The following SPRED1 variants were observed in gnomAD, a reference collection of about 807,000 sequenced individuals.
SPRED1 encodes the protein sprouty related EVH1 domain containing 1, also known as sprouty-related, EVH1 domain-containing protein 1.
Under a neutral mutation model 52.3 loss-of-function variants are expected in SPRED1, and 18 were observed. That is an observed-to-expected ratio of 0.34 (90% CI 0.24 to 0.51). SPRED1 has a LOEUF of 0.51. Ranked by LOEUF, SPRED1 falls within the 20% of genes least tolerant of loss-of-function variation. The probability of loss-of-function intolerance (pLI) is 0.97; values close to 1 mark genes in which losing one functional copy is unlikely to be tolerated. For missense variants in SPRED1, 485 were observed against 551.0 expected (o/e 0.88, Z 1.20); for synonymous variants, 155 against 179.7 (o/e 0.86, Z 1.10).
chr15:38,305,326 G>A (rs1293382375), intron 2 of SPRED1, among the ~76,000 whole-genome samples: 2 of 140,536 alleles, frequency 1.4e-5, no homozygotes, highest in Non-Finnish European at 3.1e-5. Flanking sequence ...GAGTGAAACT[G>A]TCAAAAAATA....
At chr15:38,322,842 A>G (rs1339488297) in intron 3 of SPRED1, among the ~76,000 whole-genome samples, 1 of 152,170 alleles carries the variant, frequency 6.6e-6, no homozygotes, top group African/African-American at 2.4e-5. Context: ...CCATGACAAA[A>G]GTCTTTACTT....
intron 1 of SPRED1, among the ~76,000 whole-genome samples, chr15:38,268,754 A>C (rs923644159): frequency 3.3e-5 from 5 of 152,182 alleles, no homozygotes; most frequent in Non-Finnish European, 7.3e-5. Context: ...GGTTGTGTTA[A>C]AAGTGTATGG....
chr15:38,337,935 G>A (rs10431826), intron 4 of SPRED1, among the ~76,000 whole-genome samples: 13,718 of 149,830 alleles, frequency 0.092, 746 homozygotes, highest in East Asian at 0.21. Flanking sequence ...AAAAGAAATT[G>A]TGCGCCTGTA....
rs1888490204 is a variant in SPRED1, at chr15:38,351,575, T to G, written c.1246T>G (p.Cys416Gly). ...GGTAGCTTTGTCTTTCATTGTACCATGTATGTGCTGCTACGTCCCTTTGAG... is the reference window on the plus strand; with the variant it reads ...GGTAGCTTTGTCTTTCATTGTACCAGGTATGTGCTGCTACGTCCCTTTGAG... ...ALVALSFIVP[C>G]MCCYVPLRMC... Residue 416 changes from cysteine to glycine, a missense_variant, in exon 7 of 7, where the codon TGT becomes GGT. Coordinates refer to ENST00000299084, the MANE Select transcript of SPRED1 (RefSeq NM_152594.3). The G allele has an allele frequency of 5.0e-6, 8 of 1,614,126 alleles. No homozygotes were observed. The highest frequency in any genetic ancestry group is 6.8e-6 in the Non-Finnish European group (8 of 1,179,996).
Position 38,351,124 on chromosome 15 carries a change from CAT to C in SPRED1, c.796_797del (p.Met266ValfsTer4), listed in dbSNP as rs864622410. 3 of 1,614,002 alleles carry C rather than the reference CAT, an allele frequency of 1.9e-6. No individual in the cohort carries two copies. The highest frequency in any genetic ancestry group is 1.7e-6 in the Non-Finnish European group (2 of 1,179,988). ...RRYADYRHPD[M>X]WKNDLERDDA... is the part of the protein sequence containing the mutation. ...GCTATGCAGACTACAGACATCCTGA[CAT>C]GTGGAAAAATGACTTGGAAAGAGAT... On this transcript the variant is annotated frameshift_variant, in exon 7 of 7. Transcript: ENST00000299084. LOFTEE classifies it high-confidence loss of function.
intron 1 of SPRED1, among the ~76,000 whole-genome samples, chr15:38,293,117 T>TTTTTTTTTA (rs1894958639): frequency 6.9e-6 from 1 of 145,142 alleles, no homozygotes; most frequent in African/African-American, 2.5e-5. Context: ...TTTTTTTTTT[T>TTTTTTTTTA]TGAGACGGAG....
intron 1 of SPRED1, among the ~76,000 whole-genome samples, chr15:38,256,061 A>G (rs1032176371): frequency 1.3e-5 from 2 of 152,192 alleles, no homozygotes; most frequent in African/African-American, 4.8e-5. Context: ...CTGTGAGAAT[A>G]TATTTAATCA....
At chr15:38,334,224 A>C (rs972195132) in intron 4 of SPRED1, among the ~76,000 whole-genome samples, 10 of 152,096 alleles carry the variant, frequency 6.6e-5, no homozygotes, top group African/African-American at 2.4e-4. Context: ...AATATTGTTC[A>C]GGGATATTTG....
chr15:38,268,236 T>A (rs971165475), intron 1 of SPRED1: 8 of 152,226 alleles, frequency 5.3e-5, no homozygotes, highest in Admixed American at 1.3e-4. Context: ...AAACCCACTC[T>A]TGTGAGTATC....
chr15:38,324,705 A>T, intron 3 of SPRED1, 58 bp from the exon 4 acceptor site: 2 of 1,307,094 alleles, frequency 1.5e-6, no homozygotes, highest in Non-Finnish European at 2.2e-6. Context: ...ATTAGTCATT[A>T]ATACTGGACT....
intron 1 of SPRED1, among the ~76,000 whole-genome samples, chr15:38,261,996 C>G (rs1353036204): frequency 1.6e-5 from 1 of 61,688 alleles, no homozygotes; most frequent in Non-Finnish European, 3.5e-5. Flanking sequence ...AGTCACCAAA[C>G]TCTTTTTTTT....
intron 1 of SPRED1, among the ~76,000 whole-genome samples, chr15:38,271,707 C>A (rs1010397365): frequency 1.3e-5 from 2 of 151,886 alleles, no homozygotes; most frequent in East Asian, 3.9e-4. Context: ...TACATTTTTC[C>A]CAGGAGAGTG....
chr15:38,262,815 C>T (rs947783470), intron 1 of SPRED1, among the ~76,000 whole-genome samples: 5 of 152,102 alleles, frequency 3.3e-5, no homozygotes, highest in Non-Finnish European at 4.4e-5. Flanking sequence ...GATGAAACAC[C>T]GAAGAGTTGA....
chr15:38,259,530 G>A (rs2140947944), intron 1 of SPRED1, among the ~76,000 whole-genome samples: 1 of 152,296 alleles, frequency 6.6e-6, no homozygotes, highest in Non-Finnish European at 1.5e-5. Flanking sequence ...ACTGGCATGA[G>A]CCACCATGCA....
intron 2 of SPRED1, among the ~76,000 whole-genome samples, chr15:38,316,804 T>C (rs376781505): frequency 1.4e-5 from 2 of 145,072 alleles, no homozygotes; most frequent in East Asian, 4.4e-4. Flanking sequence ...TCCCTGTGCA[T>C]TTGTAGATGA....
intron 5 of SPRED1, among the ~76,000 whole-genome samples, chr15:38,344,607 C>T (rs558173510): frequency 2.6e-5 from 4 of 152,282 alleles, no homozygotes; most frequent in East Asian, 1.9e-4. Flanking sequence ...TGAATTCCAA[C>T]TTCTTTACTT....
chr15:38,346,828 G>T (rs1595761074), intron 5 of SPRED1, among the ~76,000 whole-genome samples: 1 of 152,196 alleles, frequency 6.6e-6, no homozygotes, highest in Non-Finnish European at 1.5e-5. Context: ...TAGGATTGAT[G>T]TGTACCACCT....
At chr15:38,253,286 C>A in intron 1 of SPRED1, 69 bp downstream of exon 1, 2 of 1,478,310 alleles carry the variant, frequency 1.4e-6, no homozygotes, top group Non-Finnish European at 1.9e-6. Flanking sequence ...CCCCCAGACC[C>A]ATCCGAAACT....
intron 1 of SPRED1, among the ~76,000 whole-genome samples, chr15:38,265,375 G>T (rs573903114): frequency 7.9e-5 from 12 of 152,168 alleles, no homozygotes; most frequent in Admixed American, 5.2e-4. Flanking sequence ...AAAATAATCA[G>T]TGCTCATTTT....
Sources: gnomAD v4.1 joint callset for allele counts (sites outside exome capture counted in the v4.1 genomes callset) on GRCh38, gnomAD v4.1.1 for gene constraint, MANE v1.5 for transcripts, NCBI Gene and HGNC (gene_info 2026-07-23, HGNC 2026-07-21) for gene names.